FHOD3: variants seen among roughly 807,000 people sequenced by gnomAD.
FHOD3 encodes the protein formin homology 2 domain containing 3.
A neutral mutation model predicts 173.0 loss-of-function variants in FHOD3; 90 were observed. The ratio of observed to expected loss-of-function variants is 0.52; its 90% confidence interval spans 0.44 to 0.62. The LOEUF (loss-of-function observed/expected upper bound fraction) is 0.62, where lower values mean the gene tolerates loss of function less well. Among genes scored for constraint, FHOD3 ranks in the 20% least tolerant of loss-of-function variants. The probability of loss-of-function intolerance (pLI) is 0.00; values close to 1 mark genes in which losing one functional copy is unlikely to be tolerated. For synonymous variants in FHOD3, 828 were observed against 823.0 expected (o/e 1.01, Z -0.10); for missense variants, 1,945 against 2,034.7 (o/e 0.96, Z 0.85).
chr18:36,546,026 G>A (rs112074003), intron 5 of FHOD3, among the ~76,000 whole-genome samples: 27 of 152,362 alleles, frequency 1.8e-4, no homozygotes, highest in African/African-American at 6.5e-4. Context: ...CAACCAGTAT[G>A]AAATCCTTCT....
intron 1 of FHOD3, among the ~76,000 whole-genome samples, chr18:36,341,173 A>G (rs1023986590): frequency 1.3e-5 from 2 of 152,228 alleles, no homozygotes; most frequent in Non-Finnish European, 2.9e-5. Context: ...AGATGAAATA[A>G]TAATAGTGCC....
At chr18:36,672,099 T>C (rs1414964091) in intron 14 of FHOD3, among the ~76,000 whole-genome samples, 1 of 152,072 alleles carries the variant, frequency 6.6e-6, no homozygotes, top group Non-Finnish European at 1.5e-5. Flanking sequence ...TTAGGGGACA[T>C]TTTAGGGGAC....
intron 3 of FHOD3, among the ~76,000 whole-genome samples, chr18:36,450,070 C>A (rs576130904): frequency 6.6e-6 from 1 of 152,062 alleles, no homozygotes; most frequent in African/African-American, 2.4e-5. Context: ...TCCCTCACCC[C>A]GCTCCCACCC....
In FHOD3 at chr18:36,681,479, C is replaced by T. The variant is rs1310627963; in HGVS notation, c.1879C>T (p.Gln627Ter). 1 of 1,613,724 alleles carries T rather than the reference C, an allele frequency of 6.2e-7. No homozygotes were observed. The highest frequency in any genetic ancestry group is 8.5e-7 in the Non-Finnish European group (1 of 1,179,858). Residue 627 changes from glutamine (Q) to a stop codon, truncating the protein, a stop_gained, in exon 15 of 29, where the codon CAA becomes TAA. Coordinates refer to ENST00000590592, the MANE Select transcript of FHOD3 (RefSeq NM_001281740.3). LOFTEE classifies it high-confidence loss of function. ...GLLTSSFRQH[Q>*]ESLAAERERR... is the part of the protein sequence containing the mutation. ...TCTCACATCATCCTTCAGGCAGCAC[C>T]AAGAGTCACTGGCAGCAGAGAGAGA...
At chr18:36,314,176 T>C (rs568172271) in intron 1 of FHOD3, among the ~76,000 whole-genome samples, 1 of 152,320 alleles carries the variant, frequency 6.6e-6, no homozygotes, top group African/African-American at 2.4e-5. Flanking sequence ...CCCAAAGCCC[T>C]GTTATGGATG....
chr18:36,557,839 T>C (rs943958070), intron 5 of FHOD3, among the ~76,000 whole-genome samples: 4 of 152,232 alleles, frequency 2.6e-5, no homozygotes, highest in Non-Finnish European at 5.9e-5. Context: ...TCACATTTGT[T>C]CTAAGGCCCA....
chr18:36,354,375 G>T lies in FHOD3; in HGVS notation c.166-1164G>T, dbSNP rs577370271. On this transcript the variant is annotated intron_variant, in intron 1 of 28. Transcript: ENST00000590592. Reference sequence around the variant, plus strand: ...CAGTCCTCATCTGTAAAATGAGGAGGACTCATTTTACAGAGTCCTCATTTT... The same window carrying T: ...CAGTCCTCATCTGTAAAATGAGGAGTACTCATTTTACAGAGTCCTCATTTT... Among the ~76,000 whole-genome samples the T allele has an allele frequency of 5.8e-4, 89 of 152,254 alleles. 1 individual carries two copies. The highest frequency in any genetic ancestry group is 2.0e-3 in the African/African-American group (85 of 41,542).
intron 1 of FHOD3, among the ~76,000 whole-genome samples, chr18:36,322,973 G>A (rs1158004107): frequency 6.6e-6 from 1 of 152,182 alleles, no homozygotes; most frequent in Non-Finnish European, 1.5e-5. Flanking sequence ...TGCCCTTTTG[G>A]CTGCCTGTTT....
intron 19 of FHOD3, among the ~76,000 whole-genome samples, chr18:36,724,857 A>C (rs553354871): frequency 1.3e-5 from 2 of 152,316 alleles, no homozygotes; most frequent in South Asian, 4.1e-4. Flanking sequence ...GGAGCTCCGA[A>C]GGAGGAGCTC....
At chr18:36,713,323 T>C (rs1233275301) in intron 18 of FHOD3, among the ~76,000 whole-genome samples, 1 of 152,214 alleles carries the variant, frequency 6.6e-6, no homozygotes, top group Non-Finnish European at 1.5e-5. Context: ...CAACTATACT[T>C]TCAGAGTAGG....
chr18:36,298,336 G>C (rs1051600375), intron 1 of FHOD3, among the ~76,000 whole-genome samples: 7 of 152,174 alleles, frequency 4.6e-5, no homozygotes, highest in Non-Finnish European at 1.0e-4. Context: ...GCTAGGACGC[G>C]GGCAGTCGGC....
chr18:36,447,627 C>T (rs1046309719), intron 3 of FHOD3, among the ~76,000 whole-genome samples: 11 of 152,310 alleles, frequency 7.2e-5, no homozygotes, highest in African/African-American at 2.6e-4. Context: ...TTGGAGGCTC[C>T]AGCCTCAGGA....
rs148849897 is a variant in FHOD3 at position 36,332,793 on chromosome 18, G to A, written c.166-22746G>A. Among the ~76,000 whole-genome samples the A allele has an allele frequency of 7.6e-3, 1,161 of 152,310 alleles. 13 individuals carry two copies. Among genetic ancestry groups the A allele is most frequent in the African/African-American group, 0.026 (1,097 of 41,560 alleles). The stretch of plus-strand genomic sequence containing the variant: ...CGGTTGCCAGCGTTAGTTTTGCTTA[G>A]TCTCCCTCTGCCTGGGCCCCAGCCA... On this transcript the variant is annotated intron_variant, in intron 1 of 28. Transcript: ENST00000590592.
At chr18:36,506,109 T>C (rs759409388) in intron 4 of FHOD3, among the ~76,000 whole-genome samples, 3 of 152,194 alleles carry the variant, frequency 2.0e-5, no homozygotes, top group Non-Finnish European at 4.4e-5. Flanking sequence ...CTGCTGATCT[T>C]CCAGCTGAAA....
chr18:36,564,273 T>C (rs1209861102), intron 5 of FHOD3, among the ~76,000 whole-genome samples: 1 of 152,246 alleles, frequency 6.6e-6, no homozygotes. Flanking sequence ...GAATAGATCA[T>C]TAAAATGACT....
intron 1 of FHOD3, among the ~76,000 whole-genome samples, chr18:36,317,117 C>T (rs940460140): frequency 2.4e-4 from 37 of 152,128 alleles, no homozygotes; most frequent in South Asian, 2.1e-4. Flanking sequence ...TTTATCTAGT[C>T]TATTATTGAT....
intron 5 of FHOD3, among the ~76,000 whole-genome samples, chr18:36,545,898 C>A (rs2147204620): frequency 6.6e-6 from 1 of 152,318 alleles, no homozygotes; most frequent in Admixed American, 6.5e-5. Context: ...TTGGCTTATA[C>A]CCCCACAACT....
chr18:36,394,278 G>A (rs1239146067), intron 3 of FHOD3, among the ~76,000 whole-genome samples: 1 of 152,166 alleles, frequency 6.6e-6, no homozygotes, highest in African/African-American at 2.4e-5. Flanking sequence ...CATTATTAAG[G>A]TCATCGTGTA....
intron 14 of FHOD3, among the ~76,000 whole-genome samples, chr18:36,670,142 T>G (rs1288311958): frequency 6.6e-6 from 1 of 152,138 alleles, no homozygotes; most frequent in African/African-American, 2.4e-5. Flanking sequence ...ATATCATTTT[T>G]TTCCTTTGGC....
Sources: gnomAD v4.1 joint callset for allele counts (sites outside exome capture counted in the v4.1 genomes callset) on GRCh38, gnomAD v4.1.1 for gene constraint, MANE v1.5 for transcripts, NCBI Gene and HGNC (gene_info 2026-07-23, HGNC 2026-07-21) for gene names.